The following RFC3 variants were observed in gnomAD, a reference collection of about 807,000 sequenced individuals.
The protein encoded by RFC3 is replication factor C subunit 3.
A neutral mutation model predicts 45.1 loss-of-function variants in RFC3; 41 were observed. That is an observed-to-expected ratio of 0.91 (90% CI 0.71 to 1.18). The LOEUF is 1.18. Among genes scored for constraint, RFC3 ranks in the 50% most tolerant of loss-of-function variants. RFC3 has a pLI of 0.00. For missense variants in RFC3, 423 were observed against 428.1 expected (o/e 0.99, Z 0.10); for synonymous variants, 149 against 144.0 (o/e 1.03, Z -0.25).
At chr13:33,913,485 C>G (rs1422204635) in intron 8 of RFC3, among the ~76,000 whole-genome samples, 1 of 152,114 alleles carries the variant, frequency 6.6e-6, no homozygotes, top group Admixed American at 6.6e-5. Flanking sequence ...GTGATAAGCT[C>G]AAAGGACACA....
chr13:33,822,235 T>C (rs936280792), intron 2 of RFC3, among the ~76,000 whole-genome samples: 4 of 152,322 alleles, frequency 2.6e-5, no homozygotes, highest in Admixed American at 1.3e-4. Context: ...AAGAAACTAA[T>C]ATCTTATAGA....
At chr13:33,945,780 CT>C (rs2082950706) in intron 8 of RFC3, among the ~76,000 whole-genome samples, 1 of 152,214 alleles carries the variant, frequency 6.6e-6, no homozygotes, top group Non-Finnish European at 1.5e-5. Context: ...GCAAACACTC[CT>C]AATGAGATGG....
downstream of RFC3, among the ~76,000 whole-genome samples, chr13:33,839,137 G>A (rs2082178957): frequency 6.6e-6 from 1 of 152,148 alleles, no homozygotes; most frequent in Non-Finnish European, 1.5e-5. Flanking sequence ...CCAGTCCTCA[G>A]TACCCCTTGG....
intron 8 of RFC3, among the ~76,000 whole-genome samples, chr13:33,964,869 A>G (rs756176848): frequency 3.9e-5 from 6 of 152,234 alleles, no homozygotes; most frequent in African/African-American, 1.2e-4. Context: ...GGTGGTCTCT[A>G]TGTCCAACAT....
At chr13:33,945,887 A>G (rs2082951339) in intron 8 of RFC3, among the ~76,000 whole-genome samples, 2 of 152,224 alleles carry the variant, frequency 1.3e-5, no homozygotes, top group Admixed American at 6.5e-5. Flanking sequence ...TCTTGGAGTC[A>G]TCTTTGTTTC....
At chr13:33,974,637 A>G in the RFC3 span, among the ~76,000 whole-genome samples, 1 of 152,248 alleles carries the variant, frequency 6.6e-6, no homozygotes, top group Non-Finnish European at 1.5e-5. Flanking sequence ...TGCAATGTCA[A>G]TTAGTGGAAA....
At chr13:33,962,522 T>A (rs375508352) in intron 8 of RFC3, among the ~76,000 whole-genome samples, 1 of 152,318 alleles carries the variant, frequency 6.6e-6, no homozygotes, top group South Asian at 2.1e-4. Flanking sequence ...TAGTCACAGC[T>A]TTTACAATAT....
At position 33,821,220 on chromosome 13, in the gene RFC3, T is replaced by C; in HGVS notation, c.176T>C (p.Leu59Pro). Reference sequence around the variant, plus strand: ...AGAATTATGTGTATTCTACGTGAACTTTATGGTGTTGGAGTGGAAAAATTG... The same window carrying C: ...AGAATTATGTGTATTCTACGTGAACCTTATGGTGTTGGAGTGGAAAAATTG... ...KTRIMCILRELYGVGVEKLRI... is the reference protein window; with the variant it reads ...KTRIMCILREPYGVGVEKLRI... Residue 59 changes from leucine (L) to proline (P), a missense_variant, in exon 2 of 9, where the codon CTT (leucine) becomes CCT (proline). Transcript: ENST00000380071. The C allele has an allele frequency of 6.2e-7, 1 of 1,613,780 alleles. No homozygotes were observed. Among genetic ancestry groups the C allele is most frequent in the Non-Finnish European group, 8.5e-7 (1 of 1,179,748 alleles).
At chr13:33,883,433 C>T (rs1160675944) in intron 8 of RFC3, among the ~76,000 whole-genome samples, 1 of 152,178 alleles carries the variant, frequency 6.6e-6, no homozygotes, top group Non-Finnish European at 1.5e-5. Context: ...ATGACAGACC[C>T]TTGAGGTGAT....
intron 8 of RFC3, among the ~76,000 whole-genome samples, chr13:33,942,113 T>TCTC (rs2082928127): frequency 6.6e-6 from 1 of 152,086 alleles, no homozygotes; most frequent in Non-Finnish European, 1.5e-5. Context: ...GTACATTAAT[T>TCTC]ATAGCTGTTT....
chr13:33,915,798 C>CTA (rs5802698), intron 8 of RFC3, among the ~76,000 whole-genome samples: 27,034 of 150,000 alleles, frequency 0.18, 3,264 homozygotes, highest in African/African-American at 0.31. Context: ...TTCTATATTT[C>CTA]TATATATATA....
chr13:33,890,168 G>T (rs1002308183), intron 8 of RFC3, among the ~76,000 whole-genome samples: 24 of 152,154 alleles, frequency 1.6e-4, no homozygotes, highest in Admixed American at 1.6e-3. Flanking sequence ...TGTGGGGTGG[G>T]TAGGGTCCCA....
At chr13:33,968,871 A>G (rs2083099579), downstream of RFC3, among the ~76,000 whole-genome samples, 1 of 152,194 alleles carries the variant, frequency 6.6e-6, no homozygotes, top group Admixed American at 6.5e-5. Flanking sequence ...CTGAAGTTTT[A>G]TCTTGACAAA....
At chr13:33,881,458 C>A (rs1184236108) in intron 8 of RFC3, among the ~76,000 whole-genome samples, 4 of 152,202 alleles carry the variant, frequency 2.6e-5, no homozygotes, top group Non-Finnish European at 5.9e-5. Flanking sequence ...AGAGCTTCAT[C>A]TTCCTGTCCA....
At chr13:33,820,626 T>G (rs1167898208) in intron 1 of RFC3, among the ~76,000 whole-genome samples, 1 of 152,088 alleles carries the variant, frequency 6.6e-6, no homozygotes, top group Admixed American at 6.5e-5. Context: ...ACAAGTAACC[T>G]CCCAAAGAAA....
intron 8 of RFC3, among the ~76,000 whole-genome samples, chr13:33,844,474 T>C (rs751233580): frequency 6.6e-6 from 1 of 152,168 alleles, no homozygotes; most frequent in Non-Finnish European, 1.5e-5. Flanking sequence ...CTTCCCTCCT[T>C]CTTGCTTGCC....
chr13:33,882,545 C>G lies in RFC3; in HGVS notation c.879+47328C>G, dbSNP rs142460050. On this transcript the variant is annotated intron_variant, in intron 8 of 8. Transcript: ENST00000434425. ...AGACAGAAAAGGGTTTGCTTCCTCT[C>G]TCTGTCTGTCTCTATGCCTGCCGTG... is the stretch of plus-strand genomic sequence containing the variant. Among the ~76,000 whole-genome samples, 194 of 152,324 alleles carry G rather than the reference C, an allele frequency of 1.3e-3. 3 individuals carry two copies. The East Asian group carries it at 0.033, about 26-fold the overall frequency.
At chr13:33,899,202 G>GAAAAAAAAAAAA (rs1850188339) in intron 8 of RFC3, among the ~76,000 whole-genome samples, 1 of 6,662 alleles carries the variant, frequency 1.5e-4, no homozygotes, top group Non-Finnish European at 3.3e-4. Context: ...GACACAATAA[G>GAAAAAAAAAAAA]ACAAAAAAAA....
At chr13:33,877,649 A>G (rs989032506) in intron 8 of RFC3, among the ~76,000 whole-genome samples, 3 of 150,998 alleles carry the variant, frequency 2.0e-5, no homozygotes, top group African/African-American at 7.3e-5. Context: ...ATAGTAGTTT[A>G]TATAATAAAC....
Sources: allele counts gnomAD v4.1 joint callset (sites outside exome capture counted in the v4.1 genomes callset), GRCh38; gene constraint gnomAD v4.1.1; transcripts MANE v1.5; gene names NCBI Gene and HGNC (gene_info 2026-07-23, HGNC 2026-07-21).